Variants in COL8A1 observed in about 807,000 individuals in gnomAD.
COL8A1 encodes the protein collagen alpha-1(VIII) chain.
Under a neutral mutation model 42.7 loss-of-function variants are expected in COL8A1, and 21 were observed. That is an observed-to-expected ratio of 0.49 (90% CI 0.35 to 0.71). The LOEUF (loss-of-function observed/expected upper bound fraction) is 0.71, where lower values mean the gene tolerates loss of function less well. COL8A1 is among the 30% of genes least tolerant of loss of function. The probability of loss-of-function intolerance (pLI) is 0.01; values close to 1 mark genes in which losing one functional copy is unlikely to be tolerated. For synonymous variants in COL8A1, 367 were observed against 369.1 expected (o/e 0.99, Z 0.06); for missense variants, 788 against 962.4 (o/e 0.82, Z 2.40).
intron 2 of COL8A1, among the ~76,000 whole-genome samples, chr3:99,773,821 A>ATATATATATATAT (rs1351195012): frequency 2.5e-4 from 15 of 60,126 alleles, no homozygotes; most frequent in African/African-American, 1.0e-3. Flanking sequence ...GTGTGTATAT[A>ATATATATATATAT]TATATATATA....
intron 3 of COL8A1, among the ~76,000 whole-genome samples, chr3:99,793,080 G>A (rs920726816): frequency 1.3e-5 from 2 of 152,132 alleles, no homozygotes; most frequent in African/African-American, 4.8e-5. Context: ...CGAACTCATA[G>A]AAACCCAGAG....
chr3:99,791,032 G>C (rs756141260), intron 3 of COL8A1, 22 bp downstream of exon 3: 3 of 1,575,306 alleles, frequency 1.9e-6, no homozygotes, highest in Non-Finnish European at 2.6e-6. Flanking sequence ...CTCCCAGGCT[G>C]TTATAAAACA....
chr3:99,759,354 TCTCAGA>T (rs1941322206), intron 2 of COL8A1, among the ~76,000 whole-genome samples: 1 of 152,164 alleles, frequency 6.6e-6, no homozygotes, highest in African/African-American at 2.4e-5. Flanking sequence ...TTCTCAGTTC[TCTCAGA>T]GCTTCTAAAA....
chr3:99,672,912 T>C (rs758679407), intron 1 of COL8A1, among the ~76,000 whole-genome samples: 2 of 151,990 alleles, frequency 1.3e-5, no homozygotes, highest in Non-Finnish European at 2.9e-5. Flanking sequence ...TAGACTTGTG[T>C]TCGTGCACTG....
intron 2 of COL8A1, among the ~76,000 whole-genome samples, chr3:99,766,864 G>A (rs541590259): frequency 9.9e-5 from 15 of 151,988 alleles, no homozygotes; most frequent in South Asian, 2.1e-4. Flanking sequence ...CAGGAGAATC[G>A]CTTGAACTCA....
At chr3:99,784,129 A>T (rs932163723) in intron 2 of COL8A1, among the ~76,000 whole-genome samples, 5 of 152,240 alleles carry the variant, frequency 3.3e-5, no homozygotes. Context: ...CTGACTGTAC[A>T]GTTAGATGGA....
At chr3:99,697,923 C>A (rs1031364035) in intron 1 of COL8A1, among the ~76,000 whole-genome samples, 1 of 152,116 alleles carries the variant, frequency 6.6e-6, no homozygotes, top group Non-Finnish European at 1.5e-5. Flanking sequence ...CCCATCAACT[C>A]GTCATTTACA....
intron 1 of COL8A1, among the ~76,000 whole-genome samples, chr3:99,670,039 G>A (rs1251534609): frequency 3.3e-5 from 5 of 151,996 alleles, no homozygotes; most frequent in African/African-American, 1.2e-4. Context: ...ACCCAAAGAA[G>A]AGATGGTTTA....
intron 2 of COL8A1, among the ~76,000 whole-genome samples, chr3:99,760,893 C>G (rs989980764): frequency 3.9e-5 from 6 of 152,206 alleles, no homozygotes; most frequent in Admixed American, 2.6e-4. Context: ...GGGAGTAACA[C>G]AAACAGGGCT....
intron 1 of COL8A1, among the ~76,000 whole-genome samples, chr3:99,689,391 T>C (rs542477483): frequency 2.0e-5 from 3 of 152,290 alleles, no homozygotes; most frequent in African/African-American, 7.2e-5. Flanking sequence ...CCACAGACCA[T>C]AATCTCCTCA....
intron 1 of COL8A1, among the ~76,000 whole-genome samples, chr3:99,692,477 C>A (rs1293403321): frequency 6.6e-6 from 1 of 152,162 alleles, no homozygotes; most frequent in Middle Eastern, 3.2e-3. Flanking sequence ...GTTCCCACTC[C>A]TTTTTTCATT....
rs576655054 is a variant in COL8A1 at position 99,676,429 on chromosome 3, G to A, written c.-129+37765G>A. On this transcript the variant is annotated intron_variant, in intron 1 of 3. Coordinates refer to ENST00000652472, the MANE Select transcript of COL8A1 (RefSeq NM_020351.4). Reference sequence around the variant, plus strand: ...AGTAGGCTTTTTTCCAGGACTAGAAGAATGGTTTAGGATTCAAAAATCAAT... The same window carrying A: ...AGTAGGCTTTTTTCCAGGACTAGAAAAATGGTTTAGGATTCAAAAATCAAT... Among the ~76,000 whole-genome samples, 106 of 152,118 alleles carry A rather than the reference G, an allele frequency of 7.0e-4. 2 individuals carry two copies. The highest frequency in any genetic ancestry group is 2.7e-3 in the Admixed American group (41 of 15,240).
chr3:99,694,736 A>T (rs2107338951), intron 1 of COL8A1, among the ~76,000 whole-genome samples: 1 of 152,302 alleles, frequency 6.6e-6, no homozygotes, highest in Non-Finnish European at 1.5e-5. Context: ...TAACCTCTTC[A>T]TCTTATATAA....
chr3:99,770,668 CA>C lies in COL8A1; in HGVS notation c.-3-20011del, dbSNP rs1227838198. On this transcript the variant is annotated intron_variant, in intron 2 of 3. Coordinates refer to ENST00000652472, the MANE Select transcript of COL8A1 (RefSeq NM_020351.4). ...CATATATACTCACAAGACACAGAATCATACTCAAAGGACAGTGATTAACATC... is the reference window on the plus strand; with the variant it reads ...CATATATACTCACAAGACACAGAATCTACTCAAAGGACAGTGATTAACATC... Among the ~76,000 whole-genome samples the C allele has an allele frequency of 3.9e-5, 6 of 152,268 alleles. No homozygotes were observed. In the East Asian group the frequency reaches 1.2e-3, roughly 29 times the overall value.
chr3:99,711,707 G>A (rs1939840550), intron 1 of COL8A1, among the ~76,000 whole-genome samples: 1 of 152,118 alleles, frequency 6.6e-6, no homozygotes, highest in South Asian at 2.1e-4. Flanking sequence ...GCAGCAAATT[G>A]ATGCAATCAT....
In COL8A1 at chr3:99,796,421, C is replaced by A; in HGVS notation, c.*285C>A. ...ATTAGCTGTTTTATGTTATATGCTT[C>A]CACAGTAACCTGCTTATTCAGATCA... On this transcript the variant is annotated 3_prime_UTR_variant, in exon 4 of 4. Transcript: ENST00000652472. The A allele has an allele frequency of 3.8e-6, 1 of 263,790 alleles. No homozygotes were observed. Among genetic ancestry groups the A allele is most frequent in the South Asian group, 1.4e-4 (1 of 7,324 alleles). The allele number at this position is 263,790 out of a possible 1,614,324, so 16.3% of individuals were successfully genotyped here. A position where few individuals can be genotyped will look rare whatever the true frequency, so the allele number is the denominator to read the frequency against.
chr3:99,674,411 T>C (rs1018805412), intron 1 of COL8A1, among the ~76,000 whole-genome samples: 2 of 151,668 alleles, frequency 1.3e-5, no homozygotes, highest in African/African-American at 2.4e-5. Context: ...ATTTTTAATA[T>C]ACCTTTGAGA....
intron 1 of COL8A1, among the ~76,000 whole-genome samples, chr3:99,693,403 T>C (rs1467981745): frequency 6.6e-6 from 1 of 152,212 alleles, no homozygotes; most frequent in Non-Finnish European, 1.5e-5. Context: ...ATATGACAGT[T>C]CCATGTGTAT....
chr3:99,776,862 T>C (rs1477417405), intron 2 of COL8A1, among the ~76,000 whole-genome samples: 4 of 152,224 alleles, frequency 2.6e-5, no homozygotes, highest in Non-Finnish European at 4.4e-5. Context: ...TTTTAGACCG[T>C]ATAGTGTAAC....
Sources: gnomAD v4.1 joint callset for allele counts (sites outside exome capture counted in the v4.1 genomes callset) on GRCh38, gnomAD v4.1.1 for gene constraint, MANE v1.5 for transcripts, NCBI Gene and HGNC (gene_info 2026-07-23, HGNC 2026-07-21) for gene names.